CRISP1: variants seen among roughly 807,000 people sequenced by gnomAD.
The protein encoded by CRISP1 is cysteine-rich secretory protein 1.
In CRISP1, 44 loss-of-function variants were observed where a neutral mutation model predicts 33.1. The ratio of observed to expected loss-of-function variants is 1.33; its 90% confidence interval spans 1.05 to 1.71. CRISP1 has a LOEUF of 1.71. CRISP1 is among the 40% of genes most tolerant of loss of function. The pLI, the probability that CRISP1 is intolerant of heterozygous loss-of-function variation, is 0.00. For synonymous variants in CRISP1, 103 were observed against 98.7 expected, an observed-to-expected ratio of 1.04 and a Z score of -0.26; for missense variants, 390 against 301.2, an observed-to-expected ratio of 1.29 and a Z score of -2.18.
chr6:49,857,641 T>C (rs1198818187), intron 1 of CRISP1, among the ~76,000 whole-genome samples: 3 of 152,210 alleles, frequency 2.0e-5, no homozygotes, highest in Admixed American at 2.0e-4. Context: ...CCTTTGAATA[T>C]GTCATATTGT....
At chr6:49,852,747 G>A (rs751311070) in intron 2 of CRISP1, among the ~76,000 whole-genome samples, 3 of 151,916 alleles carry the variant, frequency 2.0e-5, no homozygotes, top group Non-Finnish European at 2.9e-5. Context: ...ATTTGTGACC[G>A]TTCTTTTCAT....
At chr6:49,857,644 C>T (rs1024396742) in intron 1 of CRISP1, among the ~76,000 whole-genome samples, 11 of 152,064 alleles carry the variant, frequency 7.2e-5, no homozygotes, top group Admixed American at 6.6e-5. Flanking sequence ...TTGAATATGT[C>T]ATATTGTATG....
intron 5 of CRISP1, among the ~76,000 whole-genome samples, chr6:49,841,307 G>A (rs538912806): frequency 6.6e-6 from 1 of 152,298 alleles, no homozygotes; most frequent in Admixed American, 6.5e-5. Flanking sequence ...GCTTCTAGAT[G>A]TAATTTCTAA....
chr6:49,856,077 T>C (rs1475056236), intron 2 of CRISP1, among the ~76,000 whole-genome samples: 1 of 152,218 alleles, frequency 6.6e-6, no homozygotes, highest in African/African-American at 2.4e-5. Flanking sequence ...TTCTACTTTT[T>C]CTTTTGTATT....
At chr6:49,853,102 T>A (rs1325833286) in intron 2 of CRISP1, among the ~76,000 whole-genome samples, 1 of 152,000 alleles carries the variant, frequency 6.6e-6, no homozygotes, top group Non-Finnish European at 1.5e-5. Context: ...AATATGGAAT[T>A]CAGAAGACTC....
chr6:49,852,120 C>A lies in CRISP1; in HGVS notation c.76G>T (p.Ala26Ser), dbSNP rs751370571. 4 of 1,608,702 alleles carry A rather than the reference C, an allele frequency of 2.5e-6. No individual in the cohort carries two copies. Among genetic ancestry groups the A allele is most frequent in the East Asian group, 2.2e-5 (1 of 44,800 alleles). ...ACGAGCTTATTAAATTGGTCTCTAG[C>A]TGATTTCTTCTGTTACCAGAAAAAT... Reference protein sequence around the residue: ...LPMLSMKKKSARDQFNKLVTD... With the variant: ...LPMLSMKKKSSRDQFNKLVTD... Residue 26 changes from alanine to serine, a missense_variant, in exon 3 of 8, where the codon GCT (alanine) becomes TCT (serine). Ala to Ser is a moderately conservative substitution (Grantham distance 99). Coordinates refer to ENST00000335847, the MANE Select transcript of CRISP1 (RefSeq NM_001131.3).
At chr6:49,837,401 T>C (rs1472553146) in intron 7 of CRISP1, among the ~76,000 whole-genome samples, 1 of 151,846 alleles carries the variant, frequency 6.6e-6, no homozygotes, top group Admixed American at 6.6e-5. Flanking sequence ...ATCTACTCAA[T>C]TGCCATCCCT....
chr6:49,863,757 C>A (rs1278912110), intron 1 of CRISP1, among the ~76,000 whole-genome samples: 1 of 152,224 alleles, frequency 6.6e-6, no homozygotes, highest in Non-Finnish European at 1.5e-5. Flanking sequence ...AGACCATGAC[C>A]TTCTCAGAAA....
Position 49,846,676 on chromosome 6 carries a change from G to A in CRISP1, c.287-8C>T, listed in dbSNP as rs902468853. 5 of 1,612,396 alleles carry A rather than the reference G, an allele frequency of 3.1e-6. No homozygotes were observed. Among genetic ancestry groups the A allele is most frequent in the Non-Finnish European group, 4.2e-6 (5 of 1,179,196 alleles). On this transcript the variant is annotated splice_polypyrimidine_tract_variant and splice_region_variant and intron_variant, in intron 4 of 7. Coordinates refer to ENST00000335847, the MANE Select transcript of CRISP1 (RefSeq NM_001131.3). ...TTTCTCCACAAAAGGTATCTGAAATGAGAAAACGGGCTGGGTCATACTCTG... is the reference window on the plus strand; with the variant it reads ...TTTCTCCACAAAAGGTATCTGAAATAAGAAAACGGGCTGGGTCATACTCTG...
rs1055121303 is a variant in CRISP1 at position 49,851,616 on chromosome 6, C to T, written c.195+385G>A. On this transcript the variant is annotated intron_variant, in intron 3 of 7. Coordinates refer to ENST00000335847, the MANE Select transcript of CRISP1 (RefSeq NM_001131.3). Reference sequence around the variant, plus strand: ...GGATAACTTGTTAATCAATATTTGTCGTGTGTACTGGCAGCATCAGCATCA... The same window carrying T: ...GGATAACTTGTTAATCAATATTTGTTGTGTGTACTGGCAGCATCAGCATCA... Among the ~76,000 whole-genome samples the T allele has an allele frequency of 2.6e-5, 4 of 152,132 alleles. No individual in the cohort carries two copies. In the South Asian group the frequency reaches 6.2e-4, roughly 24 times the overall value.
chr6:49,854,258 A>C (rs1056938256), intron 2 of CRISP1, among the ~76,000 whole-genome samples: 3 of 152,140 alleles, frequency 2.0e-5, no homozygotes. Context: ...TATTTAGTCC[A>C]TTCTCTTCTA....
chr6:49,848,175 A>G (rs764445668), intron 4 of CRISP1, 34 bp downstream of exon 4: 18 of 1,012,946 alleles, frequency 1.8e-5, no homozygotes, highest in Middle Eastern at 4.5e-4. Flanking sequence ...TTTTTTTTTT[A>G]GTCCAAAGGC....
At chr6:49,874,304 A>G (rs1771985661) in intron 1 of CRISP1, among the ~76,000 whole-genome samples, 2 of 152,154 alleles carry the variant, frequency 1.3e-5, no homozygotes, top group South Asian at 4.1e-4. Flanking sequence ...GCCTAATGCT[A>G]TAAAACATTT....
intron 5 of CRISP1, among the ~76,000 whole-genome samples, chr6:49,842,130 C>A (rs973209496): frequency 2.0e-4 from 31 of 152,148 alleles, no homozygotes; most frequent in African/African-American, 6.8e-4. Flanking sequence ...CTCTCCACAC[C>A]ATATGGCTTT....
intron 3 of CRISP1, among the ~76,000 whole-genome samples, chr6:49,851,077 C>T (rs1771332239): frequency 6.6e-6 from 1 of 152,170 alleles, no homozygotes; most frequent in African/African-American, 2.4e-5. Flanking sequence ...ATGTTGGCTA[C>T]AACACCATGC....
At chr6:49,862,567 G>T (rs548252441) in intron 1 of CRISP1, among the ~76,000 whole-genome samples, 1 of 152,126 alleles carries the variant, frequency 6.6e-6, no homozygotes, top group Non-Finnish European at 1.5e-5. Context: ...AGTATTAAAA[G>T]CATCCAGAAG....
chr6:49,840,625 T>C (rs1488366378), intron 6 of CRISP1, among the ~76,000 whole-genome samples: 2 of 152,302 alleles, frequency 1.3e-5, no homozygotes, highest in Middle Eastern at 3.4e-3. Flanking sequence ...TCTGAAAATA[T>C]ATTGGAGTTT....
chr6:49,838,591 A>G (rs1185936901), intron 6 of CRISP1, 66 bp from the exon 7 acceptor site: 4 of 1,184,244 alleles, frequency 3.4e-6, no homozygotes, highest in Non-Finnish European at 4.9e-6. Context: ...CTTTACTCAC[A>G]GTGTACAACC....
At chr6:49,838,348 T>C (rs938353857) in intron 7 of CRISP1, 89 bp downstream of exon 7, 3 of 916,198 alleles carry the variant, frequency 3.3e-6, no homozygotes, top group Non-Finnish European at 5.1e-6. Context: ...TGTAGAAAAG[T>C]GCGATGTTTT....
Sources: gnomAD v4.1 joint callset for allele counts (sites outside exome capture counted in the v4.1 genomes callset) on GRCh38, gnomAD v4.1.1 for gene constraint, MANE v1.5 for transcripts, NCBI Gene and HGNC (gene_info 2026-07-23, HGNC 2026-07-21) for gene names.